The following NRG3 variants were observed in gnomAD, a reference collection of about 807,000 sequenced individuals.
NRG3 encodes pro-neuregulin-3, membrane-bound isoform.
A neutral mutation model predicts 66.9 loss-of-function variants in NRG3; 31 were observed. The ratio of observed to expected loss-of-function variants is 0.46; its 90% CI spans 0.35 to 0.63. NRG3 has a LOEUF of 0.63. Among genes scored for constraint, NRG3 ranks in the 20% least tolerant of loss-of-function variants. The pLI, the probability that NRG3 is intolerant of heterozygous loss-of-function variation, is 0.00. For synonymous variants in NRG3, 393 were observed against 359.4 expected (o/e 1.09, Z -1.06); for missense variants, 910 against 878.9 (o/e 1.04, Z -0.45).
At chr10:82,659,721 TAATA>T (rs1266539078) in intron 2 of NRG3, among the ~76,000 whole-genome samples, 30 of 152,262 alleles carry the variant, frequency 2.0e-4, no homozygotes, top group African/African-American at 7.2e-4. Context: ...GTTGTTGTTT[TAATA>T]GGTTCAGAGG....
chr10:82,947,780 C>T (rs1849155311), intron 4 of NRG3, among the ~76,000 whole-genome samples: 1 of 151,962 alleles, frequency 6.6e-6, no homozygotes, highest in Non-Finnish European at 1.5e-5. Flanking sequence ...GTTTGCTTAT[C>T]TTATTATTGA....
At chr10:82,966,494 T>C (rs1851219498) in intron 6 of NRG3, among the ~76,000 whole-genome samples, 2 of 152,162 alleles carry the variant, frequency 1.3e-5, no homozygotes, top group South Asian at 4.1e-4. Context: ...ATATGATTTA[T>C]TATTATTGAA....
chr10:82,851,858 G>T (rs562660468), intron 3 of NRG3, among the ~76,000 whole-genome samples: 12 of 152,276 alleles, frequency 7.9e-5, no homozygotes, highest in Admixed American at 6.5e-4. Context: ...ACTTGGAGAA[G>T]ATGGGCAAGC....
intron 2 of NRG3, among the ~76,000 whole-genome samples, chr10:82,613,204 A>G (rs1432645560): frequency 6.6e-6 from 1 of 152,176 alleles, no homozygotes; most frequent in East Asian, 1.9e-4. Flanking sequence ...GAAATATTCT[A>G]AAGGATTAAC....
At chr10:81,956,756 G>A (rs1469672145) in intron 1 of NRG3, among the ~76,000 whole-genome samples, 1 of 152,110 alleles carries the variant, frequency 6.6e-6, no homozygotes, top group African/African-American at 2.4e-5. Context: ...ACAAGATCAA[G>A]TCCCTATTTT....
At chr10:82,124,918 A>G (rs896696177) in intron 1 of NRG3, among the ~76,000 whole-genome samples, 6 of 151,846 alleles carry the variant, frequency 4.0e-5, no homozygotes, top group Non-Finnish European at 8.8e-5. Flanking sequence ...ACCAATCATC[A>G]TCCCCATTTG....
intron 2 of NRG3, 99 bp downstream of exon 2, chr10:82,358,967 A>C: frequency 6.6e-7 from 1 of 1,512,520 alleles, no homozygotes; most frequent in South Asian, 1.2e-5. Flanking sequence ...TCCGGGATAC[A>C]CACAGTCCCA....
At chr10:82,715,127 G>A (rs942223090) in intron 2 of NRG3, among the ~76,000 whole-genome samples, 1 of 152,148 alleles carries the variant, frequency 6.6e-6, no homozygotes, top group Non-Finnish European at 1.5e-5. Flanking sequence ...GGGCGTGGTG[G>A]CTCATACCTG....
chr10:82,595,106 C>A (rs1185602247), intron 2 of NRG3, among the ~76,000 whole-genome samples: 1 of 152,042 alleles, frequency 6.6e-6, no homozygotes. Flanking sequence ...CAGATTTGAT[C>A]CACCATGCCC....
chr10:82,699,408 C>T lies in NRG3; in HGVS notation c.954-39169C>T, dbSNP rs545134600. On this transcript the variant is annotated intron_variant, in intron 2 of 8. Coordinates refer to ENST00000372141, the MANE Select transcript of NRG3 (RefSeq NM_001010848.4). ...ATAACACCTGAGGATCATCTTCTTGCGCAAATTATTTTTAACGTTCTTTAG... is the reference window on the plus strand; with the variant it reads ...ATAACACCTGAGGATCATCTTCTTGTGCAAATTATTTTTAACGTTCTTTAG... Among the ~76,000 whole-genome samples, 6 of 152,050 alleles carry T rather than the reference C, an allele frequency of 3.9e-5. No homozygotes were observed. In the South Asian group the frequency reaches 6.2e-4, roughly 16 times the overall value.
intron 3 of NRG3, among the ~76,000 whole-genome samples, chr10:82,816,584 G>A (rs1470604206): frequency 2.0e-5 from 3 of 152,196 alleles, no homozygotes; most frequent in African/African-American, 7.2e-5. Flanking sequence ...CTCACTCCTG[G>A]CCGTGGACTC....
intron 2 of NRG3, among the ~76,000 whole-genome samples, chr10:82,397,168 T>G (rs2086769110): frequency 6.6e-6 from 1 of 152,164 alleles, no homozygotes; most frequent in African/African-American, 2.4e-5. Flanking sequence ...TTTGGCCTCC[T>G]TACTTTTCTC....
intron 1 of NRG3, among the ~76,000 whole-genome samples, chr10:81,938,639 G>A (rs1036410192): frequency 2.4e-4 from 36 of 151,792 alleles, no homozygotes; most frequent in Admixed American, 1.4e-3. Flanking sequence ...GTGTGTGTGT[G>A]TGCATGCATG....
intron 1 of NRG3, among the ~76,000 whole-genome samples, chr10:82,288,191 T>A (rs1044325627): frequency 6.6e-6 from 1 of 152,156 alleles, no homozygotes; most frequent in African/African-American, 2.4e-5. Context: ...ATCTATAGAT[T>A]TACTGAATAG....
At chr10:82,927,127 A>G (rs17095600) in intron 4 of NRG3, among the ~76,000 whole-genome samples, 13,664 of 152,178 alleles carry the variant, frequency 0.09, 816 homozygotes, top group African/African-American at 0.15. Flanking sequence ...TTAGAAGTTG[A>G]ATCCCCAGCA....
chr10:82,875,091 T>C (rs11196301), intron 4 of NRG3, among the ~76,000 whole-genome samples: 27,388 of 152,160 alleles, frequency 0.18, 2,543 homozygotes, highest in Middle Eastern at 0.27. Context: ...TCACATGGGG[T>C]AATCTACAGA....
At chr10:81,991,617 A>T (rs1008668473) in intron 1 of NRG3, among the ~76,000 whole-genome samples, 4 of 152,314 alleles carry the variant, frequency 2.6e-5, no homozygotes, top group Non-Finnish European at 4.4e-5. Context: ...TCTAAAATAT[A>T]AAAGCCTATT....
In NRG3 at chr10:82,196,733, C is replaced by CAGTG. The variant is rs1039443740; in HGVS notation, c.824-161988_824-161985dup. On this transcript the variant is annotated intron_variant, in intron 1 of 8. Coordinates refer to ENST00000372141, the MANE Select transcript of NRG3 (RefSeq NM_001010848.4). ...CTGTACAAGGTCTCTACATGAGCTA[C>CAGTG]AGTGAGTGAGTGAGTGAGTGATAAG... Among the ~76,000 whole-genome samples, 25 of 152,120 alleles carry CAGTG rather than the reference C, an allele frequency of 1.6e-4. No homozygotes were observed. In the South Asian group the frequency reaches 1.7e-3, roughly 10 times the overall value.
intron 2 of NRG3, among the ~76,000 whole-genome samples, chr10:82,500,552 C>T (rs1036011187): frequency 1.3e-5 from 2 of 152,284 alleles, no homozygotes; most frequent in Admixed American, 6.5e-5. Context: ...ATTGTTCATA[C>T]AAACAGCAGC....
Sources: gnomAD v4.1 joint callset for allele counts (sites outside exome capture counted in the v4.1 genomes callset) on GRCh38, gnomAD v4.1.1 for gene constraint, MANE v1.5 for transcripts, NCBI Gene and HGNC (gene_info 2026-07-23, HGNC 2026-07-21) for gene names.